DCHS2: variants seen among roughly 807,000 people sequenced by gnomAD.
The protein encoded by DCHS2 is dachsous cadherin-related 2, also known as protocadherin-23.
In DCHS2, 142 loss-of-function variants were observed where a neutral mutation model predicts 182.4. The ratio of observed to expected loss-of-function variants is 0.78; its 90% CI spans 0.68 to 0.89. The LOEUF (loss-of-function observed/expected upper bound fraction) is 0.89. Among genes scored for constraint, DCHS2 ranks in the 40% least tolerant of loss-of-function variants. The probability of loss-of-function intolerance (pLI) is 0.00; values close to 1 mark genes in which losing one functional copy is unlikely to be tolerated. For missense variants in DCHS2, 4,319 were observed against 4,198.6 expected, an observed-to-expected ratio of 1.03 and a Z score of -0.79; for synonymous variants, 1,740 against 1,663.3, an observed-to-expected ratio of 1.05 and a Z score of -1.12.
intron 8 of DCHS2, among the ~76,000 whole-genome samples, chr4:154,322,043 T>C (rs887320799): frequency 1.3e-5 from 2 of 152,164 alleles, no homozygotes; most frequent in African/African-American, 2.4e-5. Flanking sequence ...CAAGAAAAGA[T>C]ACCTTTTGTC....
chr4:154,357,361 G>A (rs756230759), intron 3 of DCHS2: 4 of 1,397,868 alleles, frequency 2.9e-6, no homozygotes, highest in African/African-American at 2.9e-5. Flanking sequence ...GTGGGAGCAG[G>A]GAAAAGCAAA....
intron 5 of DCHS2, among the ~76,000 whole-genome samples, chr4:154,330,168 A>T (rs1411889635): frequency 2.0e-5 from 3 of 152,216 alleles, no homozygotes; most frequent in Non-Finnish European, 2.9e-5. Context: ...GAAGAAATGT[A>T]ATCACACATT....
At chr4:154,344,013 T>C (rs921329098) in intron 3 of DCHS2, among the ~76,000 whole-genome samples, 2 of 150,112 alleles carry the variant, frequency 1.3e-5, no homozygotes, top group Non-Finnish European at 3.0e-5. Context: ...AATTTCAACA[T>C]TGCTGTGTCT....
Position 154,298,364 on chromosome 4 carries a change from G to C in DCHS2, c.5950C>G (p.Pro1984Ala). 1 of 1,614,154 alleles carries C rather than the reference G, an allele frequency of 6.2e-7. No individual in the cohort carries two copies. The highest frequency in any genetic ancestry group is 8.5e-7 in the Non-Finnish European group (1 of 1,180,022). Residue 1984 changes from proline to alanine, a missense_variant, in exon 13 of 20, where the codon CCT becomes GCT. By Grantham distance (27) the Pro-to-Ala change is conservative (BLOSUM62 -1). Transcript: ENST00000357232. The part of the protein sequence containing the change: ...DEASGAFTID[P>A]MSGTLKTSNT... ...CTGGTTTTCAATGTGCCTGACATAG[G>C]ATCAATGGTGAATGCACCAGAAGCC...
intron 13 of DCHS2, among the ~76,000 whole-genome samples, chr4:154,271,712 G>A (rs1224785940): frequency 6.6e-6 from 1 of 152,000 alleles, no homozygotes; most frequent in East Asian, 1.9e-4. Context: ...CACCCTCTTA[G>A]GATTGCCTGC....
intron 13 of DCHS2, among the ~76,000 whole-genome samples, chr4:154,278,140 A>T: frequency 6.6e-6 from 1 of 152,162 alleles, no homozygotes; most frequent in East Asian, 1.9e-4. Flanking sequence ...GCATGAACAA[A>T]GTGAGAATAT....
chr4:154,419,075 C>A (rs778692816), intron 1 of DCHS2, among the ~76,000 whole-genome samples: 1 of 151,006 alleles, frequency 6.6e-6, no homozygotes, highest in Non-Finnish European at 1.5e-5. Flanking sequence ...CAAAAATAGG[C>A]CTCCTGAGTA....
rs1301749804 is a variant in DCHS2 at position 154,320,621 on chromosome 4, G to A, written c.4778C>T (p.Ala1593Val). The change falls in exon 9 of 20, where the codon GCT becomes GTT. Residue 1593 changes from alanine to valine, a missense_variant. Transcript: ENST00000357232. The part of the protein sequence containing the change: ...VILTVTASDQ[A>V]VNVTDRRLRS... ...CAGTCGCCGGTCTGTCACATTCACAGCCTGATCAGATGCTGTTACTGTCAG... is the reference window on the plus strand; with the variant it reads ...CAGTCGCCGGTCTGTCACATTCACAACCTGATCAGATGCTGTTACTGTCAG... The A allele has an allele frequency of 1.9e-6, 3 of 1,614,102 alleles. No homozygotes were observed. In the African/African-American group the frequency reaches 4.0e-5, roughly 22 times the overall value.
intron 3 of DCHS2, among the ~76,000 whole-genome samples, chr4:154,345,172 T>A (rs1729301310): frequency 6.6e-6 from 1 of 152,222 alleles, no homozygotes; most frequent in South Asian, 2.1e-4. Context: ...GTCCCAGCTC[T>A]GCAGGGCCTC....
chr4:154,355,946 AT>A (rs983420886), intron 3 of DCHS2, among the ~76,000 whole-genome samples: 64 of 152,260 alleles, frequency 4.2e-4, no homozygotes, highest in African/African-American at 1.5e-3. Context: ...TGGTTTATGT[AT>A]TTATTATATC....
At chr4:154,319,634 T>C (rs894023671) in intron 9 of DCHS2, among the ~76,000 whole-genome samples, 1 of 140,624 alleles carries the variant, frequency 7.1e-6, no homozygotes, top group Admixed American at 7.3e-5. Context: ...ATATTGCTTA[T>C]ACCTGTTAGG....
At chr4:154,301,450 C>T (rs1423531777) in intron 12 of DCHS2, among the ~76,000 whole-genome samples, 1 of 152,176 alleles carries the variant, frequency 6.6e-6, no homozygotes, top group Admixed American at 6.5e-5. Context: ...GAAACAGCAA[C>T]AGACTTGGCA....
At chr4:154,246,950 G>C (rs1732098995) in intron 16 of DCHS2, among the ~76,000 whole-genome samples, 1 of 151,850 alleles carries the variant, frequency 6.6e-6, no homozygotes, top group African/African-American at 2.4e-5. Flanking sequence ...AAATGAAACA[G>C]GGCAAAACAA....
intron 1 of DCHS2, among the ~76,000 whole-genome samples, chr4:154,408,482 T>C (rs1010441763): frequency 6.6e-6 from 1 of 152,232 alleles, no homozygotes; most frequent in Non-Finnish European, 1.5e-5. Flanking sequence ...TTATTTTGTA[T>C]ATAACTTATT....
At position 154,242,556 on chromosome 4, in the gene DCHS2, A is replaced by G; in HGVS notation, c.7072+86T>C. The G allele has an allele frequency of 2.0e-6, 3 of 1,471,144 alleles. 1 individual carries two copies. Among genetic ancestry groups the G allele is most frequent in the Non-Finnish European group, 9.0e-7 (1 of 1,114,108 alleles). The allele number at this position is 1,471,144 out of a possible 1,614,324, so 91.1% of individuals were successfully genotyped here. A position where few individuals can be genotyped will look rare whatever the true frequency, so the allele number is the denominator to read the frequency against. On this transcript the variant is annotated intron_variant, in intron 17 of 19. Transcript: ENST00000357232. The stretch of plus-strand genomic sequence containing the variant: ...GCTTGGTTGTTGAGGATTAGCACTC[A>G]TGTTAATACAGTGTCTGGCTAAAGA...
At position 154,276,332 on chromosome 4, in the gene DCHS2, G is replaced by A. The variant is rs151085026; in HGVS notation, c.6464-6319C>T. Among the ~76,000 whole-genome samples, 812 of 152,148 alleles carry A rather than the reference G, an allele frequency of 5.3e-3. 5 individuals carry two copies. Among genetic ancestry groups the A allele is most frequent in the African/African-American group, 0.019 (780 of 41,538 alleles). On this transcript the variant is annotated intron_variant, in intron 13 of 19. Transcript: ENST00000357232. Reference sequence around the variant, plus strand: ...AAGTGTGAAACATTTAATGTTCTTGGTTTTTTCTTCTTTACAAAAATAGAG... The same window carrying A: ...AAGTGTGAAACATTTAATGTTCTTGATTTTTTCTTCTTTACAAAAATAGAG...
At chr4:154,363,549 C>A (rs998495933) in intron 3 of DCHS2, among the ~76,000 whole-genome samples, 2 of 152,028 alleles carry the variant, frequency 1.3e-5, no homozygotes, top group African/African-American at 4.8e-5. Flanking sequence ...TGGTGGTTGC[C>A]AAGGGCTGGG....
chr4:154,368,370 A>T (rs555692064), intron 2 of DCHS2, among the ~76,000 whole-genome samples: 2 of 152,142 alleles, frequency 1.3e-5, no homozygotes, highest in East Asian at 3.9e-4. Flanking sequence ...CTTAGGGTTG[A>T]GGTAAGAGAA....
intron 16 of DCHS2, among the ~76,000 whole-genome samples, chr4:154,246,416 C>T (rs749117309): frequency 6.6e-6 from 1 of 152,040 alleles, no homozygotes; most frequent in Admixed American, 6.6e-5. Flanking sequence ...AGTCGACTTC[C>T]CCTGTGGTAC....
Sources: gnomAD v4.1 joint callset for allele counts (sites outside exome capture counted in the v4.1 genomes callset) on GRCh38, gnomAD v4.1.1 for gene constraint, MANE v1.5 for transcripts, NCBI Gene and HGNC (gene_info 2026-07-23, HGNC 2026-07-21) for gene names.